Variants in SERPIND1 observed in about 807,000 individuals in gnomAD.
The protein encoded by SERPIND1 is serpin family D member 1.
SERPIND1 carries 34 observed loss-of-function variants against 35.0 expected under a neutral mutation model. The observed-to-expected ratio is 0.97, with a 90% CI of 0.74 to 1.29. The LOEUF (loss-of-function observed/expected upper bound fraction) is 1.29, where lower values mean the gene tolerates loss of function less well. Among genes scored for constraint, SERPIND1 ranks in the 50% most tolerant of loss-of-function variants. The pLI is 0.00. For missense variants in SERPIND1, 633 were observed against 637.7 expected (o/e 0.99, Z 0.08); for synonymous variants, 236 against 241.1 (o/e 0.98, Z 0.19).
At chr22:20,775,552 G>A (rs759794198) in intron 1 of SERPIND1, among the ~76,000 whole-genome samples, 9 of 152,154 alleles carry the variant, frequency 5.9e-5, no homozygotes, top group Non-Finnish European at 1.2e-4. Context: ...CCTCAGATAC[G>A]TTTTCCTGAA....
chr22:20,779,536 A>G lies in SERPIND1; in HGVS notation c.224A>G (p.Glu75Gly), dbSNP rs753161329. 4.3e-6 allele frequency: 7 copies of G among 1,614,000 alleles called. No individual in the cohort carries two copies. The East Asian group carries it at 1.3e-4, about 31-fold the overall frequency. The change falls in exon 2 of 5, where the codon GAG (glutamate) becomes GGG (glycine). Residue 75 changes from glutamate to glycine, a missense_variant. Physicochemically the swap from Glu to Gly is moderately conservative, Grantham distance 98. Transcript: ENST00000215727. ...AACGACTGGATTCCAGAGGGGGAGGAGGACGACGACTATCTGGACCTGGAG... is the reference window on the plus strand; with the variant it reads ...AACGACTGGATTCCAGAGGGGGAGGGGGACGACGACTATCTGGACCTGGAG... ...VTNDWIPEGE[E>G]DDDYLDLEKI...
chr22:20,775,657 C>G (rs1048242517), intron 1 of SERPIND1, among the ~76,000 whole-genome samples: 3 of 152,020 alleles, frequency 2.0e-5, no homozygotes, highest in Non-Finnish European at 4.4e-5. Flanking sequence ...CTTCTTTTGG[C>G]TTTCTTTTTT....
intron 1 of SERPIND1, 22 bp from the exon 2 acceptor site, chr22:20,779,275 T>C (rs1178305998): frequency 3.1e-6 from 5 of 1,613,394 alleles, no homozygotes; most frequent in African/African-American, 1.3e-5. Flanking sequence ...CGCCTTTCAC[T>C]GTGTTCTGTT....
At chr22:20,784,992 TAAC>T (rs5844440) in intron 3 of SERPIND1, among the ~76,000 whole-genome samples, 4,478 of 151,986 alleles carry the variant, frequency 0.029, 85 homozygotes, top group Middle Eastern at 0.062. Flanking sequence ...AATTTTTCCT[TAAC>T]AACGTCCCTT....
intron 2 of SERPIND1, among the ~76,000 whole-genome samples, chr22:20,783,004 G>A (rs1933917626): frequency 6.6e-6 from 1 of 152,064 alleles, no homozygotes; most frequent in Non-Finnish European, 1.5e-5. Flanking sequence ...TTGTGCCTCT[G>A]TTTCCTCATA....
At chr22:20,776,020 C>T (rs1395424323) in intron 1 of SERPIND1, among the ~76,000 whole-genome samples, 1 of 152,154 alleles carries the variant, frequency 6.6e-6, no homozygotes, top group East Asian at 1.9e-4. Context: ...CAGCTACATA[C>T]ATTAGAAATC....
Position 20,783,965 on chromosome 22 carries a change from T to C in SERPIND1, c.890-7T>C. On this transcript the variant is annotated splice_region_variant and splice_polypyrimidine_tract_variant and intron_variant, in intron 2 of 4. Coordinates refer to ENST00000215727, the MANE Select transcript of SERPIND1 (RefSeq NM_000185.4). Reference sequence around the variant, plus strand: ...CTCATAACAGCCTCTTCCTGTGGCCTTTACAGGATCCTGGGTGAATAAATT... The same window carrying C: ...CTCATAACAGCCTCTTCCTGTGGCCCTTACAGGATCCTGGGTGAATAAATT... 6.2e-7 allele frequency: 1 copy of C among 1,614,154 alleles called. No homozygotes were observed. Among genetic ancestry groups the C allele is most frequent in the Non-Finnish European group, 8.5e-7 (1 of 1,180,018 alleles).
chr22:20,781,028 A>AT (rs955342866), intron 2 of SERPIND1, among the ~76,000 whole-genome samples: 8 of 152,188 alleles, frequency 5.3e-5, no homozygotes, highest in African/African-American at 1.7e-4. Context: ...AGCAGCTGAC[A>AT]TTGACACCTA....
At chr22:20,782,893 AG>A (rs1402852239) in intron 2 of SERPIND1, among the ~76,000 whole-genome samples, 1 of 152,200 alleles carries the variant, frequency 6.6e-6, no homozygotes, top group Non-Finnish European at 1.5e-5. Context: ...ACAGGCAGGC[AG>A]GAGCTGTCTG....
At chr22:20,777,211 TTTC>T (rs983308447) in intron 1 of SERPIND1, among the ~76,000 whole-genome samples, 6 of 151,356 alleles carry the variant, frequency 4.0e-5, no homozygotes, top group African/African-American at 1.5e-4. Flanking sequence ...GCTAATTATT[TTTC>T]TTTTCTTTTT....
At chr22:20,776,148 C>G (rs1178065312) in intron 1 of SERPIND1, among the ~76,000 whole-genome samples, 1 of 152,012 alleles carries the variant, frequency 6.6e-6, no homozygotes, top group African/African-American at 2.4e-5. Flanking sequence ...ATGGTAAAAC[C>G]CCATCTTTAC....
Position 20,780,007 on chromosome 22 carries a change from T to C in SERPIND1, c.695T>C (p.Ile232Thr). Reference protein sequence around the residue: ...NDLYIQKQFPILLDFKTKVRE... With the variant: ...NDLYIQKQFPTLLDFKTKVRE... ...CTTTATATCCAGAAGCAGTTTCCAA[T>C]CCTGCTTGACTTCAAAACTAAAGTA... Residue 232 changes from isoleucine to threonine, a missense_variant, in exon 2 of 5, where the codon ATC becomes ACC. Ile to Thr is a moderately conservative substitution (Grantham distance 89, BLOSUM62 -1). Transcript: ENST00000215727. 6.2e-7 allele frequency: 1 copy of C among 1,614,172 alleles called. No homozygotes were observed. The highest frequency in any genetic ancestry group is 8.5e-7 in the Non-Finnish European group (1 of 1,180,036).
chr22:20,787,084 T>C lies in SERPIND1; in HGVS notation c.*18T>C. 1 of 1,609,458 alleles carries C rather than the reference T, an allele frequency of 6.2e-7. No individual in the cohort carries two copies. The highest frequency in any genetic ancestry group is 8.5e-7 in the Non-Finnish European group (1 of 1,175,954). ...GGTCCTAGAGGTGGAGGTCTAGGTG[T>C]CTGAAGTGCCTTGGGGGCACCCTCA... On this transcript the variant is annotated 3_prime_UTR_variant, in exon 5 of 5. Coordinates refer to ENST00000215727, the MANE Select transcript of SERPIND1 (RefSeq NM_000185.4).
At chr22:20,786,171 C>T in intron 4 of SERPIND1, 23 bp downstream of exon 4, 2 of 1,613,284 alleles carry the variant, frequency 1.2e-6, no homozygotes, top group Non-Finnish European at 1.7e-6. Context: ...TTGTCCACCC[C>T]CGACCCGTCC....
chr22:20,787,296 T>C lies in SERPIND1; in HGVS notation c.*230T>C. 2 of 563,566 alleles carry C rather than the reference T, an allele frequency of 3.5e-6. No individual in the cohort carries two copies. The highest frequency in any genetic ancestry group is 6.2e-5 in the East Asian group (2 of 32,200). 34.9% of individuals were successfully genotyped at this position (563,566 alleles called of 1,614,324 possible). A position where few individuals can be genotyped will look rare whatever the true frequency, so the allele number is the denominator to read the frequency against. ...CATAGAAGTCACTGTAACTGTAGTG[T>C]GTCTGCTGTTACCTAGAGGGTCTCA... is the stretch of plus-strand genomic sequence containing the variant. On this transcript the variant is annotated 3_prime_UTR_variant, in exon 5 of 5. Transcript: ENST00000215727.
Position 20,784,049 on chromosome 22 carries a change from G to C in SERPIND1, c.967G>C (p.Val323Leu). 6.2e-7 allele frequency: 1 copy of C among 1,614,174 alleles called. No individual in the cohort carries two copies. The highest frequency in any genetic ancestry group is 1.6e-4 in the Middle Eastern group (1 of 6,062). Residue 323 changes from valine to leucine, a missense_variant, in exon 3 of 5, where the codon GTT (valine) becomes CTT (leucine). Coordinates refer to ENST00000215727, the MANE Select transcript of SERPIND1 (RefSeq NM_000185.4). ...GCTGAATGAGAGAGAGGTAGTTAAG[G>C]TTTCCATGATGCAGACCAAGGGGAA... is the stretch of plus-strand genomic sequence containing the variant. ...FRLNEREVVKVSMMQTKGNFL... is the reference protein window; with the variant it reads ...FRLNEREVVKLSMMQTKGNFL...
chr22:20,784,332 A>G (rs1934037818), intron 3 of SERPIND1, 87 bp downstream of exon 3: 1 of 1,569,324 alleles, frequency 6.4e-7, no homozygotes, highest in Non-Finnish European at 8.7e-7. Flanking sequence ...TTTTTTAAAA[A>G]GGGAGAATTA....
intron 1 of SERPIND1, among the ~76,000 whole-genome samples, chr22:20,777,652 G>A (rs1010952492): frequency 1.3e-5 from 2 of 152,178 alleles, no homozygotes; most frequent in African/African-American, 2.4e-5. Flanking sequence ...GCGCCTGGCC[G>A]GCAGTTCTTT....
At chr22:20,786,299 G>T (rs555088919) in intron 4 of SERPIND1, 151 bp downstream of exon 4, 2 of 884,476 alleles carry the variant, frequency 2.3e-6, no homozygotes, top group South Asian at 1.4e-5. Flanking sequence ...TACACAGAAT[G>T]CCTAGTTTCA....
Sources: gnomAD v4.1 joint callset for allele counts (sites outside exome capture counted in the v4.1 genomes callset) on GRCh38, gnomAD v4.1.1 for gene constraint, MANE v1.5 for transcripts, NCBI Gene and HGNC (gene_info 2026-07-23, HGNC 2026-07-21) for gene names.